Variants in EEF1AKMT1 observed in about 807,000 individuals in gnomAD.
The protein encoded by EEF1AKMT1 is EEF1A lysine methyltransferase 1, also known as N-6 adenine-specific DNA methyltransferase 2 (putative).
EEF1AKMT1 carries 18 observed loss-of-function variants against 21.0 expected under a neutral mutation model. The observed-to-expected ratio is 0.86, with a 90% CI of 0.59 to 1.27. The LOEUF is 1.27. EEF1AKMT1 is among the 50% of genes most tolerant of loss of function. EEF1AKMT1 has a pLI of 0.00. For synonymous variants in EEF1AKMT1, 109 were observed against 94.8 expected (o/e 1.15, Z -0.87); for missense variants, 246 against 258.6 (o/e 0.95, Z 0.33).
chr13:20,767,981 G>A (rs2059044699), intron 1 of EEF1AKMT1, among the ~76,000 whole-genome samples: 1 of 152,188 alleles, frequency 6.6e-6, no homozygotes, highest in Non-Finnish European at 1.5e-5. Context: ...AAAGTTACAT[G>A]AGTCTTTATT....
chr13:20,762,010 G>A (rs1229889497), intron 1 of EEF1AKMT1, among the ~76,000 whole-genome samples: 1 of 152,036 alleles, frequency 6.6e-6, no homozygotes, highest in Non-Finnish European at 1.5e-5. Context: ...TGTGGTGGGA[G>A]GATCACTTGA....
At chr13:20,729,843 C>T (rs1055074964) in intron 4 of EEF1AKMT1, among the ~76,000 whole-genome samples, 11 of 152,220 alleles carry the variant, frequency 7.2e-5, no homozygotes, top group African/African-American at 2.2e-4. Context: ...TGCAGGCCAC[C>T]GCCCTCCCTG....
At chr13:20,738,595 C>CA (rs1384031738) in intron 2 of EEF1AKMT1, among the ~76,000 whole-genome samples, 2 of 152,092 alleles carry the variant, frequency 1.3e-5, no homozygotes, top group Non-Finnish European at 2.9e-5. Flanking sequence ...AAGTGCCCAT[C>CA]AACTAATGGA....
chr13:20,736,133 A>AT (rs1304492044), intron 3 of EEF1AKMT1, among the ~76,000 whole-genome samples: 1 of 152,236 alleles, frequency 6.6e-6, no homozygotes, highest in Non-Finnish European at 1.5e-5. Flanking sequence ...AGGACAATAG[A>AT]TAAAAACTCC....
intron 2 of EEF1AKMT1, among the ~76,000 whole-genome samples, chr13:20,741,125 G>A (rs2058868078): frequency 6.6e-6 from 1 of 151,966 alleles, no homozygotes; most frequent in Non-Finnish European, 1.5e-5. Context: ...CGGATTCTAT[G>A]TATGCCTTCT....
chr13:20,762,017 T>C (rs1356758701), intron 1 of EEF1AKMT1, among the ~76,000 whole-genome samples: 2 of 152,206 alleles, frequency 1.3e-5, no homozygotes, highest in East Asian at 1.9e-4. Flanking sequence ...GGAGGATCAC[T>C]TGAGTCTGGA....
intron 2 of EEF1AKMT1, among the ~76,000 whole-genome samples, chr13:20,739,185 G>A (rs866420665): frequency 6.6e-5 from 10 of 152,278 alleles, no homozygotes; most frequent in Middle Eastern, 3.4e-3. Flanking sequence ...TTTGCTCCCA[G>A]TGGGTTGGTA....
chr13:20,740,435 G>A (rs529193419), intron 2 of EEF1AKMT1, among the ~76,000 whole-genome samples: 11 of 152,378 alleles, frequency 7.2e-5, no homozygotes, highest in South Asian at 2.1e-4. Flanking sequence ...CGCTGAGGCC[G>A]AGGAGGTGCC....
chr13:20,736,437 A>G (rs2058826627), intron 3 of EEF1AKMT1, among the ~76,000 whole-genome samples: 1 of 152,130 alleles, frequency 6.6e-6, no homozygotes, highest in African/African-American at 2.4e-5. Context: ...GAGGTATGCC[A>G]CCATGGTAAG....
chr13:20,755,116 A>T (rs34880311), intron 2 of EEF1AKMT1, among the ~76,000 whole-genome samples: 42,822 of 151,706 alleles, frequency 0.28, 7,529 homozygotes, highest in East Asian at 0.75. Flanking sequence ...TAAGCAGGGT[A>T]GCTTTTCCTA....
chr13:20,738,824 A>C (rs924399234), intron 2 of EEF1AKMT1, among the ~76,000 whole-genome samples: 1 of 152,142 alleles, frequency 6.6e-6, no homozygotes. Flanking sequence ...TGTTGGGAGG[A>C]TTGAGGGATT....
At chr13:20,743,156 T>A (rs919857123) in intron 2 of EEF1AKMT1, among the ~76,000 whole-genome samples, 3 of 152,084 alleles carry the variant, frequency 2.0e-5, no homozygotes, top group African/African-American at 7.2e-5. Context: ...AACCTCCACC[T>A]CCGAAATTGA....
At chr13:20,731,025 G>T (rs2265951) in intron 4 of EEF1AKMT1, among the ~76,000 whole-genome samples, 6 of 151,960 alleles carry the variant, frequency 3.9e-5, no homozygotes, top group Non-Finnish European at 8.8e-5. Context: ...AAACAATTCC[G>T]GAGGTGCCGC....
intron 3 of EEF1AKMT1, among the ~76,000 whole-genome samples, chr13:20,732,593 A>G (rs2058803973): frequency 6.6e-6 from 1 of 152,212 alleles, no homozygotes; most frequent in South Asian, 2.1e-4. Flanking sequence ...TCGGCCTCCC[A>G]AAGTGCTGGG....
chr13:20,734,572 A>ATTT (rs1491252561), intron 3 of EEF1AKMT1, among the ~76,000 whole-genome samples: 1 of 122,316 alleles, frequency 8.2e-6, no homozygotes, highest in Non-Finnish European at 1.7e-5. Flanking sequence ...ATTCATCTTT[A>ATTT]TTTTATTATT....
intron 2 of EEF1AKMT1, among the ~76,000 whole-genome samples, chr13:20,756,103 A>G (rs1292186836): frequency 6.6e-6 from 1 of 152,204 alleles, no homozygotes; most frequent in African/African-American, 2.4e-5. Flanking sequence ...AAATAGGAAA[A>G]GTTTATATAA....
At chr13:20,740,695 C>T (rs959859484) in intron 2 of EEF1AKMT1, among the ~76,000 whole-genome samples, 14 of 152,068 alleles carry the variant, frequency 9.2e-5, no homozygotes, top group Admixed American at 3.9e-4. Flanking sequence ...CCCAGCTACT[C>T]GGGAGACTGA....
intron 2 of EEF1AKMT1, among the ~76,000 whole-genome samples, chr13:20,743,489 G>C (rs2058884222): frequency 6.6e-6 from 1 of 150,780 alleles, no homozygotes; most frequent in African/African-American, 2.4e-5. Context: ...ATTTACATCT[G>C]TCACTTTCTC....
At chr13:20,745,850 A>AAAAAAT (rs754892399) in intron 2 of EEF1AKMT1, among the ~76,000 whole-genome samples, 43 of 152,262 alleles carry the variant, frequency 2.8e-4, no homozygotes, top group South Asian at 1.7e-3. Context: ...TACATCTCGA[A>AAAAAAT]AAAAATAAAA....
Sources: gnomAD v4.1 joint callset for allele counts (sites outside exome capture counted in the v4.1 genomes callset) on GRCh38, gnomAD v4.1.1 for gene constraint, MANE v1.5 for transcripts, NCBI Gene and HGNC (gene_info 2026-07-23, HGNC 2026-07-21) for gene names.